The following SH3GL2 variants were observed in gnomAD, a reference collection of about 807,000 sequenced individuals.
SH3GL2 encodes endophilin-A1.
SH3GL2 carries 24 observed loss-of-function variants against 46.0 expected under a neutral mutation model. The ratio of observed to expected loss-of-function variants is 0.52; its 90% CI spans 0.38 to 0.73. The LOEUF is 0.73. Among genes scored for constraint, SH3GL2 ranks in the 30% least tolerant of loss-of-function variants. SH3GL2 has a pLI of 0.00. For missense variants in SH3GL2, 413 were observed against 424.2 expected, an observed-to-expected ratio of 0.97 and a Z score of 0.23; for synonymous variants, 196 against 147.1, an observed-to-expected ratio of 1.33 and a Z score of -2.40.
chr9:17,705,891 A>G (rs1821459745), intron 1 of SH3GL2, among the ~76,000 whole-genome samples: 1 of 151,976 alleles, frequency 6.6e-6, no homozygotes, highest in Non-Finnish European at 1.5e-5. Flanking sequence ...CCAAATGCTC[A>G]TGACATGCAA....
chr9:17,785,325 G>C (rs16935984), intron 3 of SH3GL2, among the ~76,000 whole-genome samples: 10,426 of 152,250 alleles, frequency 0.068, 777 homozygotes, highest in African/African-American at 0.19. Flanking sequence ...TAAACTTTGT[G>C]AAAGCAGGGA....
chr9:17,620,188 A>T (rs746159749), intron 1 of SH3GL2, among the ~76,000 whole-genome samples: 5 of 152,198 alleles, frequency 3.3e-5, no homozygotes, highest in Non-Finnish European at 7.3e-5. Context: ...AGAAATAAGG[A>T]TAGTGCAGCA....
chr9:17,788,027 T>C (rs574255670), intron 5 of SH3GL2, among the ~76,000 whole-genome samples: 2 of 152,314 alleles, frequency 1.3e-5, no homozygotes, highest in South Asian at 4.1e-4. Flanking sequence ...AACTAGCCAC[T>C]TTCTAAAACA....
At chr9:17,710,385 T>C (rs1372224292) in intron 1 of SH3GL2, among the ~76,000 whole-genome samples, 1 of 151,978 alleles carries the variant, frequency 6.6e-6, no homozygotes, top group Admixed American at 6.6e-5. Context: ...GAGAACGGAC[T>C]AATACAGGGA....
chr9:17,715,891 G>C (rs60660769), intron 1 of SH3GL2, among the ~76,000 whole-genome samples: 15,225 of 152,056 alleles, frequency 0.1, 2,515 homozygotes, highest in African/African-American at 0.34. Flanking sequence ...TATTTTGTAA[G>C]AAAGTGGTGA....
At chr9:17,743,595 C>G (rs1822594843) in intron 1 of SH3GL2, among the ~76,000 whole-genome samples, 1 of 151,732 alleles carries the variant, frequency 6.6e-6, no homozygotes, top group Non-Finnish European at 1.5e-5. Flanking sequence ...CACACACACA[C>G]ACACACCCCA....
intron 1 of SH3GL2, among the ~76,000 whole-genome samples, chr9:17,705,012 C>G (rs995398206): frequency 2.0e-5 from 3 of 151,634 alleles, no homozygotes; most frequent in Non-Finnish European, 4.4e-5. Context: ...CAACAAAGGT[C>G]TAATATCCAG....
chr9:17,684,774 G>C (rs1242887774), intron 1 of SH3GL2, among the ~76,000 whole-genome samples: 1 of 152,056 alleles, frequency 6.6e-6, no homozygotes, highest in African/African-American at 2.4e-5. Flanking sequence ...ATCAGAATTA[G>C]GTAAGGTTAC....
At chr9:17,698,015 A>T (rs772114163) in intron 1 of SH3GL2, among the ~76,000 whole-genome samples, 1 of 152,082 alleles carries the variant, frequency 6.6e-6, no homozygotes, top group Non-Finnish European at 1.5e-5. Context: ...ATTCATTCCT[A>T]ATTTTTTCCT....
intron 1 of SH3GL2, among the ~76,000 whole-genome samples, chr9:17,738,571 T>TATACATAC (rs1822417898): frequency 1.5e-5 from 1 of 67,086 alleles, no homozygotes; most frequent in Non-Finnish European, 3.4e-5. Flanking sequence ...CATACATATA[T>TATACATAC]ATATAGAGAG....
rs914958596 is a variant in SH3GL2 at position 17,744,446 on chromosome 9, G to A, written c.46-2620G>A. Among the ~76,000 whole-genome samples, 7 of 151,834 alleles carry A rather than the reference G, an allele frequency of 4.6e-5. No homozygotes were observed. The South Asian group carries it at 1.5e-3, about 32-fold the overall frequency. On this transcript the variant is annotated intron_variant, in intron 1 of 8. Coordinates refer to ENST00000380607, the MANE Select transcript of SH3GL2 (RefSeq NM_003026.5). ...AGTGGCACGATCACGGCTCACTGTG[G>A]CCTCAACCTCCTGAGCTCAAGCAAT... is the stretch of plus-strand genomic sequence containing the variant.
intron 3 of SH3GL2, among the ~76,000 whole-genome samples, chr9:17,768,685 G>A (rs1192682019): frequency 2.6e-5 from 4 of 152,060 alleles, no homozygotes; most frequent in South Asian, 4.2e-4. Context: ...TCTCCTGGTA[G>A]AATATGGGCC....
chr9:17,618,519 G>A (rs751784490), intron 1 of SH3GL2, among the ~76,000 whole-genome samples: 3 of 152,246 alleles, frequency 2.0e-5, no homozygotes, highest in East Asian at 1.9e-4. Context: ...AAAATGTGAC[G>A]TTTCTTCATA....
intron 1 of SH3GL2, among the ~76,000 whole-genome samples, chr9:17,666,838 A>T (rs1190854109): frequency 6.6e-6 from 1 of 152,120 alleles, no homozygotes; most frequent in Non-Finnish European, 1.5e-5. Flanking sequence ...TCAAATTCCC[A>T]TCCATAAAGG....
chr9:17,708,243 C>T (rs1014872624), intron 1 of SH3GL2, among the ~76,000 whole-genome samples: 5 of 151,930 alleles, frequency 3.3e-5, no homozygotes, highest in Admixed American at 1.3e-4. Flanking sequence ...CCACTCCTTT[C>T]ATTTTTCCCT....
At chr9:17,599,530 G>T (rs1224041636) in intron 1 of SH3GL2, among the ~76,000 whole-genome samples, 5 of 151,608 alleles carry the variant, frequency 3.3e-5, no homozygotes, top group Non-Finnish European at 7.4e-5. Flanking sequence ...TCACAAGTAG[G>T]ATAATTGGGG....
chr9:17,707,361 T>C (rs537853301), intron 1 of SH3GL2, among the ~76,000 whole-genome samples: 8 of 152,142 alleles, frequency 5.3e-5, no homozygotes, highest in African/African-American at 1.7e-4. Flanking sequence ...ACTAGCTATC[T>C]TCTAGGTGTG....
At chr9:17,721,606 C>A (rs1353834465) in intron 1 of SH3GL2, among the ~76,000 whole-genome samples, 1 of 151,964 alleles carries the variant, frequency 6.6e-6, no homozygotes, top group Non-Finnish European at 1.5e-5. Context: ...TTCCCATTAC[C>A]ATTCCACCTA....
chr9:17,743,720 C>G (rs928356783), intron 1 of SH3GL2, among the ~76,000 whole-genome samples: 5 of 152,160 alleles, frequency 3.3e-5, no homozygotes, highest in African/African-American at 1.2e-4. Flanking sequence ...GATGCAGCTA[C>G]TGTGGTGCTA....
Sources: gnomAD v4.1 joint callset for allele counts (sites outside exome capture counted in the v4.1 genomes callset) on GRCh38, gnomAD v4.1.1 for gene constraint, MANE v1.5 for transcripts, NCBI Gene and HGNC (gene_info 2026-07-23, HGNC 2026-07-21) for gene names.